The following FKBP3 variants were observed in gnomAD, a reference collection of about 807,000 sequenced individuals.
FKBP3 encodes the protein peptidyl-prolyl cis-trans isomerase FKBP3.
FKBP3 carries 21 observed loss-of-function variants against 30.6 expected under a neutral mutation model. That is an observed-to-expected ratio of 0.69 (90% CI 0.49 to 0.99). FKBP3 has a LOEUF of 0.99. Among genes scored for constraint, FKBP3 ranks in the 50% least tolerant of loss-of-function variants. The probability of loss-of-function intolerance (pLI) is 0.00; values close to 1 mark genes in which losing one functional copy is unlikely to be tolerated. For synonymous variants in FKBP3, 82 were observed against 91.3 expected (o/e 0.90, Z 0.58); for missense variants, 283 against 261.6 (o/e 1.08, Z -0.56).
At chr14:45,133,488 C>A in intron 1 of FKBP3, 1 of 156,570 alleles carries the variant, frequency 6.4e-6, no homozygotes, top group South Asian at 1.8e-4. Context: ...CAAAAAAACC[C>A]AGAAACAGTT....
chr14:45,126,942 T>C (rs1001235505), intron 3 of FKBP3, among the ~76,000 whole-genome samples: 10 of 151,604 alleles, frequency 6.6e-5, no homozygotes, highest in Non-Finnish European at 1.5e-4. Context: ...CAGTCTCCCA[T>C]GTGGCTGGAA....
chr14:45,127,537 G>A (rs187954048), intron 3 of FKBP3, among the ~76,000 whole-genome samples: 11 of 152,132 alleles, frequency 7.2e-5, no homozygotes, highest in Admixed American at 7.2e-4. Flanking sequence ...AAAATACTGA[G>A]ATATTTTACA....
At chr14:45,126,250 G>C (rs917581894) in intron 3 of FKBP3, among the ~76,000 whole-genome samples, 1 of 151,448 alleles carries the variant, frequency 6.6e-6, no homozygotes, top group Non-Finnish European at 1.5e-5. Context: ...AGCACTTTGG[G>C]AGGCCGAGGT....
At chr14:45,128,722 G>C (rs1248064688) in intron 3 of FKBP3, among the ~76,000 whole-genome samples, 1 of 152,150 alleles carries the variant, frequency 6.6e-6, no homozygotes, top group Non-Finnish European at 1.5e-5. Flanking sequence ...AAATGATAGA[G>C]TTTAGGACCC....
At chr14:45,129,931 C>A (rs752941360) in intron 2 of FKBP3, 30 bp from the exon 3 acceptor site, 2 of 1,454,230 alleles carry the variant, frequency 1.4e-6, no homozygotes, top group South Asian at 1.2e-5. Flanking sequence ...ACATCATACC[C>A]AGGACAGGCT....
chr14:45,121,477 A>G lies in FKBP3; in HGVS notation c.454+8T>C, dbSNP rs1465696886. On this transcript the variant is annotated splice_region_variant and intron_variant, in intron 4 of 6. Transcript: ENST00000396062. Reference sequence around the variant, plus strand: ...AAGCCAAAAACATAAGATTCCATTTAGACTTACTTGTTTGAATATTAGTAT... The same window carrying G: ...AAGCCAAAAACATAAGATTCCATTTGGACTTACTTGTTTGAATATTAGTAT... 1.2e-6 allele frequency: 2 copies of G among 1,609,070 alleles called. No homozygotes were observed. The highest frequency in any genetic ancestry group is 4.5e-5 in the East Asian group (2 of 44,766).
chr14:45,120,868 A>T lies in FKBP3; in HGVS notation c.522+19T>A, dbSNP rs144723350. 1 of 1,591,562 alleles carries T rather than the reference A, an allele frequency of 6.3e-7. No homozygotes were observed. Among genetic ancestry groups the T allele is most frequent in the South Asian group, 1.1e-5 (1 of 90,622 alleles). On this transcript the variant is annotated intron_variant, in intron 5 of 6. Transcript: ENST00000396062. ...CATATGCCAGAATATCTACTGATTC[A>T]TTGGCATTCTTTACTTACTCCTCTG...
intron 6 of FKBP3, 45 bp downstream of exon 6, chr14:45,117,983 G>GTTT: frequency 7.6e-6 from 8 of 1,053,496 alleles, no homozygotes; most frequent in South Asian, 3.2e-5. Context: ...TGATCTAGAC[G>GTTT]TTTTTTTTTT....
At position 45,118,011 on chromosome 14, in the gene FKBP3, A is replaced by AG; in HGVS notation, c.620+16dup. 7.8e-6 allele frequency: 12 copies of AG among 1,529,310 alleles called. No individual in the cohort carries two copies. Among genetic ancestry groups the AG allele is most frequent in the Non-Finnish European group, 1.1e-5 (12 of 1,122,028 alleles). The allele number at this position is 1,529,310 out of a possible 1,614,324, so 94.7% of individuals were successfully genotyped here. A position where few individuals can be genotyped will look rare whatever the true frequency, so the allele number is the denominator to read the frequency against. On this transcript the variant is annotated intron_variant, in intron 6 of 6. Coordinates refer to ENST00000396062, the MANE Select transcript of FKBP3 (RefSeq NM_002013.4). The stretch of plus-strand genomic sequence containing the variant: ...TTTTTTTTTTCAACTTTAATTATGA[A>AG]GGGGAAAAAAGGATACTTGGCATCA...
At chr14:45,130,632 T>A in intron 2 of FKBP3, 67 bp downstream of exon 2, 1 of 975,172 alleles carries the variant, frequency 1.0e-6, no homozygotes, top group Non-Finnish European at 1.5e-6. Flanking sequence ...CAATGCATTT[T>A]AAACATCTTT....
intron 1 of FKBP3, among the ~76,000 whole-genome samples, chr14:45,131,996 C>T (rs1885227509): frequency 6.6e-6 from 1 of 152,180 alleles, no homozygotes; most frequent in Non-Finnish European, 1.5e-5. Flanking sequence ...GTGAGGATTT[C>T]CATAACTTCT....
intron 1 of FKBP3, among the ~76,000 whole-genome samples, chr14:45,133,890 A>G (rs1041881036): frequency 6.6e-6 from 1 of 152,188 alleles, no homozygotes; most frequent in Admixed American, 6.5e-5. Context: ...CACACGCATT[A>G]ATGTTCAGTA....
chr14:45,127,988 G>A (rs560070088), intron 3 of FKBP3, among the ~76,000 whole-genome samples: 2 of 152,258 alleles, frequency 1.3e-5, no homozygotes, highest in African/African-American at 4.8e-5. Context: ...TCAGAAGAAG[G>A]GAATGGCAAT....
chr14:45,116,128 T>G lies in FKBP3; in HGVS notation c.*70A>C, dbSNP rs368824796. 2.3e-5 allele frequency: 24 copies of G among 1,046,948 alleles called. No homozygotes were observed. Among genetic ancestry groups the G allele is most frequent in the Non-Finnish European group, 3.4e-5 (23 of 671,124 alleles). 64.9% of individuals were successfully genotyped at this position (1,046,948 alleles called of 1,614,324 possible). A position where few individuals can be genotyped will look rare whatever the true frequency, so the allele number is the denominator to read the frequency against. On this transcript the variant is annotated 3_prime_UTR_variant, in exon 7 of 7. Coordinates refer to ENST00000396062, the MANE Select transcript of FKBP3 (RefSeq NM_002013.4). The stretch of plus-strand genomic sequence containing the variant: ...TACAATAGTAACAAGTTCTAACTAG[T>G]TGTGTAAATTTCTTCAAGGCCAAGT...
intron 3 of FKBP3, among the ~76,000 whole-genome samples, chr14:45,124,349 G>A (rs1178255145): frequency 6.6e-6 from 1 of 152,048 alleles, no homozygotes; most frequent in Non-Finnish European, 1.5e-5. Flanking sequence ...TGGCCAACAT[G>A]GTGAAACCCT....
Position 45,130,801 on chromosome 14 carries a change from C to T in FKBP3, c.109-1G>A, listed in dbSNP as rs1391466564. ...CTAATAATTTATGTTCTGCAAGAAA[C>T]TATAAGGAAAAAAGCTGGGTAATCA... On this transcript the variant is annotated splice_acceptor_variant, in intron 1 of 6. Coordinates refer to ENST00000396062, the MANE Select transcript of FKBP3 (RefSeq NM_002013.4). LOFTEE classifies it high-confidence loss of function. 2.5e-6 allele frequency: 4 copies of T among 1,580,582 alleles called. No individual in the cohort carries two copies. The highest frequency in any genetic ancestry group is 3.4e-6 in the Non-Finnish European group (4 of 1,160,048).
At chr14:45,119,068 AAAAC>A (rs1884922435) in intron 5 of FKBP3, among the ~76,000 whole-genome samples, 1 of 152,186 alleles carries the variant, frequency 6.6e-6, no homozygotes, top group South Asian at 2.1e-4. Flanking sequence ...TGCAAAAGGT[AAAAC>A]TAACTTTTCA....
At chr14:45,124,723 CCACTGT>C (rs111358045) in intron 3 of FKBP3, among the ~76,000 whole-genome samples, 5,668 of 151,756 alleles carry the variant, frequency 0.037, 353 homozygotes, top group African/African-American at 0.13. Context: ...CAGGCAGGAG[CCACTGT>C]GCCTGCTTAA....
chr14:45,127,559 A>G (rs1885128505), intron 3 of FKBP3, among the ~76,000 whole-genome samples: 1 of 152,216 alleles, frequency 6.6e-6, no homozygotes, highest in African/African-American at 2.4e-5. Flanking sequence ...TCTTTTTTAA[A>G]AAAGAAACGT....
Sources: gnomAD v4.1 joint callset for allele counts (sites outside exome capture counted in the v4.1 genomes callset) on GRCh38, gnomAD v4.1.1 for gene constraint, MANE v1.5 for transcripts, NCBI Gene and HGNC (gene_info 2026-07-23, HGNC 2026-07-21) for gene names.